Variants in PLAA observed in about 807,000 individuals in gnomAD.
PLAA encodes the protein phospholipase A-2-activating protein.
A neutral mutation model predicts 84.1 loss-of-function variants in PLAA; 48 were observed. The ratio of observed to expected loss-of-function variants is 0.57; its 90% CI spans 0.45 to 0.73. PLAA has a LOEUF of 0.73. Ranked by LOEUF, PLAA falls within the 30% of genes least tolerant of loss-of-function variation. The pLI is 0.00. For synonymous variants in PLAA, 392 were observed against 336.6 expected, an observed-to-expected ratio of 1.16 and a Z score of -1.80; for missense variants, 903 against 954.7, an observed-to-expected ratio of 0.95 and a Z score of 0.71.
chr9:26,906,888 T>C (rs1395359551), intron 13 of PLAA, among the ~76,000 whole-genome samples: 1 of 151,744 alleles, frequency 6.6e-6, no homozygotes, highest in Non-Finnish European at 1.5e-5. Flanking sequence ...ATGTGCTCCG[T>C]AATGTAAAAG....
At chr9:26,931,598 T>C (rs1242719561) in intron 2 of PLAA, among the ~76,000 whole-genome samples, 4 of 152,072 alleles carry the variant, frequency 2.6e-5, no homozygotes, top group African/African-American at 9.7e-5. Flanking sequence ...AGCTACTAGA[T>C]CTATTTAACA....
chr9:26,937,709 TAAAG>T (rs2131418201), intron 1 of PLAA, among the ~76,000 whole-genome samples: 1 of 151,930 alleles, frequency 6.6e-6, no homozygotes, highest in Admixed American at 6.6e-5. Flanking sequence ...AGAAAACCTA[TAAAG>T]AAACCAAAAA....
rs1422297173 is a variant in PLAA, at chr9:26,905,485, A to G, written c.*26T>C. The G allele has an allele frequency of 6.7e-7, 1 of 1,497,300 alleles. No individual in the cohort carries two copies. The highest frequency in any genetic ancestry group is 2.0e-5 in the Admixed American group (1 of 50,742). 92.8% of individuals were successfully genotyped at this position (1,497,300 alleles called of 1,614,324 possible). ...TGAGGAAAAAAACACTAATCAATTA[A>G]AAATATCCGTCCCTCTTCCCCACTG... On this transcript the variant is annotated 3_prime_UTR_variant, in exon 14 of 14. Transcript: ENST00000397292.
Position 26,946,878 on chromosome 9 carries a change from C to T in PLAA, c.149+19G>A, listed in dbSNP as rs756249729. 1.9e-6 allele frequency: 3 copies of T among 1,561,930 alleles called. No individual in the cohort carries two copies. The South Asian group carries it at 3.6e-5, about 19-fold the overall frequency. On this transcript the variant is annotated intron_variant, in intron 1 of 13. Coordinates refer to ENST00000397292, the MANE Select transcript of PLAA (RefSeq NM_001031689.3). ...GAAGCGTGCAACACAGCCGGGGCAA[C>T]CCGACTCCCAGCGCTCACCTGTCTG...
rs997577694 is a variant in PLAA, at chr9:26,916,246, G to A, written c.1486+851C>T. ...TATAGCTCACAGTACCAGTCTGCAA[G>A]GCCAGTGGATACCTAAACGCTATGA... On this transcript the variant is annotated intron_variant, in intron 10 of 13. Transcript: ENST00000397292. 3.0e-6 allele frequency: 3 copies of A among 985,174 alleles called. No homozygotes were observed. The Admixed American group carries it at 1.8e-4, about 61-fold the overall frequency. 61.0% of individuals were successfully genotyped at this position (985,174 alleles called of 1,614,324 possible).
rs770496700 is a variant in PLAA, at chr9:26,907,983, A to G, written c.1673T>C (p.Leu558Pro). Residue 558 changes from leucine (L) to proline (P), a missense_variant, in exon 13 of 14, where the codon CTT becomes CCT. Physicochemically the swap from Leu to Pro is moderately conservative, Grantham distance 98. Coordinates refer to ENST00000397292, the MANE Select transcript of PLAA (RefSeq NM_001031689.3). ...CTTCTCTTCAGGTGCAGTTCCATTAAGTTCCTTCAGTTTACCTAGAACCCA... is the reference window on the plus strand; with the variant it reads ...CTTCTCTTCAGGTGCAGTTCCATTAGGTTCCTTCAGTTTACCTAGAACCCA... Reference protein sequence around the residue: ...PTQILGKLKELNGTAPEEKKL... With the variant: ...PTQILGKLKEPNGTAPEEKKL... 1 of 1,585,656 alleles carries G rather than the reference A, an allele frequency of 6.3e-7. No homozygotes were observed.
chr9:26,944,706 C>A (rs2131433716), intron 1 of PLAA, among the ~76,000 whole-genome samples: 1 of 152,334 alleles, frequency 6.6e-6, no homozygotes, highest in East Asian at 1.9e-4. Flanking sequence ...GCTAACCTAA[C>A]CAGCAGGATA....
In PLAA at chr9:26,928,401, A is replaced by G. The variant is rs185989225; in HGVS notation, c.351T>C (p.Ser117=). ...ATGTCCCAAATTTTCCAGATGATAG[A>G]CTACAAACTAAGGAAAAAACATCAT... ...ILKGHKNTVC[S]LSSGKFGTLL... is the part of the protein sequence containing the mutation. The change falls in exon 3 of 14, where the codon AGT becomes AGC. Residue 117 remains serine, a synonymous_variant. Coordinates refer to ENST00000397292, the MANE Select transcript of PLAA (RefSeq NM_001031689.3). 7.1e-5 allele frequency: 114 copies of G among 1,600,518 alleles called. No homozygotes were observed. The East Asian group carries it at 2.4e-3, about 34-fold the overall frequency.
chr9:26,919,669 T>G, intron 8 of PLAA, 140 bp from the exon 9 acceptor site: 1 of 562,198 alleles, frequency 1.8e-6, no homozygotes, highest in South Asian at 2.8e-5. Flanking sequence ...AAAATCTTCG[T>G]TTTTGGCAGA....
chr9:26,919,843 C>A (rs1001928684), intron 8 of PLAA, among the ~76,000 whole-genome samples: 1 of 152,146 alleles, frequency 6.6e-6, no homozygotes, highest in African/African-American at 2.4e-5. Context: ...TGTTACTGTG[C>A]CCTACTCACC....
intron 1 of PLAA, among the ~76,000 whole-genome samples, chr9:26,941,234 G>A: frequency 6.6e-6 from 1 of 151,722 alleles, no homozygotes. Context: ...CAACTGTCCT[G>A]CTAGTACTCA....
chr9:26,941,462 A>G (rs761747401), intron 1 of PLAA, among the ~76,000 whole-genome samples: 1 of 152,164 alleles, frequency 6.6e-6, no homozygotes, highest in Non-Finnish European at 1.5e-5. Flanking sequence ...ACAACCAGCA[A>G]GCCCCATCCA....
intron 1 of PLAA, among the ~76,000 whole-genome samples, chr9:26,936,422 C>G (rs1825361523): frequency 6.6e-6 from 1 of 152,172 alleles, no homozygotes; most frequent in Non-Finnish European, 1.5e-5. Context: ...TCGGAAGCAC[C>G]AGGCATCTGT....
intron 1 of PLAA, among the ~76,000 whole-genome samples, chr9:26,939,650 A>G (rs1034079989): frequency 6.6e-6 from 1 of 152,078 alleles, no homozygotes; most frequent in Non-Finnish European, 1.5e-5. Context: ...GGTGCTGTTT[A>G]TGAGACTCAC....
chr9:26,936,858 C>T (rs990754339), intron 1 of PLAA, among the ~76,000 whole-genome samples: 4 of 152,054 alleles, frequency 2.6e-5, no homozygotes, highest in East Asian at 1.9e-4. Flanking sequence ...GGCTGATGCC[C>T]GGCCGGGCAC....
At chr9:26,924,106 A>G (rs1824861904) in intron 6 of PLAA, among the ~76,000 whole-genome samples, 1 of 152,050 alleles carries the variant, frequency 6.6e-6, no homozygotes, top group African/African-American at 2.4e-5. Flanking sequence ...TAGACCCTCT[A>G]TCCCTTATAG....
intron 2 of PLAA, 51 bp downstream of exon 2, chr9:26,934,962 C>G: frequency 7.6e-7 from 1 of 1,313,270 alleles, no homozygotes; most frequent in Non-Finnish European, 1.0e-6. Context: ...ATTTTACTTT[C>G]AAAGGGATAA....
At chr9:26,919,646 A>G (rs969613814) in intron 8 of PLAA, 117 bp from the exon 9 acceptor site, 1 of 641,480 alleles carries the variant, frequency 1.6e-6, no homozygotes, top group Non-Finnish European at 2.7e-6. Flanking sequence ...AACTTTCTCC[A>G]AAGTGCAGTG....
intron 1 of PLAA, among the ~76,000 whole-genome samples, chr9:26,946,074 A>G (rs931945509): frequency 1.3e-5 from 2 of 152,200 alleles, no homozygotes; most frequent in Non-Finnish European, 2.9e-5. Context: ...ACAGTTATCA[A>G]CTGAATTTAT....
Sources: gnomAD v4.1 joint callset for allele counts (sites outside exome capture counted in the v4.1 genomes callset) on GRCh38, gnomAD v4.1.1 for gene constraint, MANE v1.5 for transcripts, NCBI Gene and HGNC (gene_info 2026-07-23, HGNC 2026-07-21) for gene names.